The following PCDHGC4 variants were observed in gnomAD, a reference collection of about 807,000 sequenced individuals.
PCDHGC4 encodes protocadherin gamma-C4.
PCDHGC4 carries 15 observed loss-of-function variants against 59.7 expected under a neutral mutation model. The ratio of observed to expected loss-of-function variants is 0.25; its 90% CI spans 0.17 to 0.39. PCDHGC4 has a LOEUF of 0.39. PCDHGC4 is among the 10% of genes least tolerant of loss of function. The probability of loss-of-function intolerance (pLI) is 1.00; values close to 1 mark genes in which losing one functional copy is unlikely to be tolerated. For synonymous variants in PCDHGC4, 434 were observed against 481.4 expected (o/e 0.90, Z 1.29); for missense variants, 1,016 against 1,189.5 (o/e 0.85, Z 2.15).
At position 141,493,841 on chromosome 5, in the gene PCDHGC4, T is replaced by C. The variant is rs774682943; in HGVS notation, c.2443-966T>C. On this transcript the variant is annotated intron_variant, in intron 1 of 3. Transcript: ENST00000306593. The surrounding 1 kb of genome is among the most constrained non-coding windows in gnomAD (Gnocchi z 4.3). ...CTCTGCTTCTGGGAGCAAGTATGAGTATTAATTACCAGCCCACCCCAGAAC... is the reference window on the plus strand; with the variant it reads ...CTCTGCTTCTGGGAGCAAGTATGAGCATTAATTACCAGCCCACCCCAGAAC... Among the ~76,000 whole-genome samples the C allele has an allele frequency of 3.3e-5, 5 of 152,140 alleles. No homozygotes were observed. In the East Asian group the frequency reaches 9.7e-4, roughly 29 times the overall value.
intron 2 of PCDHGC4, among the ~76,000 whole-genome samples, chr5:141,497,905 C>T (rs1052659134): frequency 6.6e-6 from 1 of 152,178 alleles, no homozygotes; most frequent in Non-Finnish European, 1.5e-5. Context: ...GTAACTTCAA[C>T]TTCTCTCCTT....
Position 141,491,287 on chromosome 5 carries a change from C to T in PCDHGC4, c.2443-3520C>T, listed in dbSNP as rs1562145447. 2 of 1,614,030 alleles carry T rather than the reference C, an allele frequency of 1.2e-6. No homozygotes were observed. Among genetic ancestry groups the T allele is most frequent in the Admixed American group, 1.7e-5 (1 of 60,032 alleles). On this transcript the variant is annotated intron_variant, in intron 1 of 3. Coordinates refer to ENST00000306593, the MANE Select transcript of PCDHGC4 (RefSeq NM_018928.3). The surrounding 1 kb of genome is among the most constrained non-coding windows in gnomAD (Gnocchi z 6.9). ...GCCCAAATCCAGTGACTTCCTCATA[C>T]ACCCTCCTGAGCGTTCAGACCTTAC... is the stretch of plus-strand genomic sequence containing the variant.
In PCDHGC4 at chr5:141,490,729, C is replaced by G. The variant is rs1365931429; in HGVS notation, c.2442+3114C>G. ...CCTCACCTACTCCATTGTAGGAAAT[C>G]AGGTTCAGGGAGCCCCAGCCTCCTC... On this transcript the variant is annotated intron_variant, in intron 1 of 3. Coordinates refer to ENST00000306593, the MANE Select transcript of PCDHGC4 (RefSeq NM_018928.3). The surrounding 1 kb of genome is among the most constrained non-coding windows in gnomAD (Gnocchi z 5.4). 1 of 1,614,184 alleles carries G rather than the reference C, an allele frequency of 6.2e-7. No homozygotes were observed.
chr5:141,492,846 A>G (rs1404624093), intron 1 of PCDHGC4, among the ~76,000 whole-genome samples: 1 of 152,184 alleles, frequency 6.6e-6, no homozygotes, highest in African/African-American at 2.4e-5. Flanking sequence ...AGGAAGTGAA[A>G]GCCTCGAGCG....
chr5:141,500,207 T>G (rs932015076), intron 2 of PCDHGC4, among the ~76,000 whole-genome samples: 2 of 150,136 alleles, frequency 1.3e-5, no homozygotes, highest in African/African-American at 4.9e-5. Context: ...TTTATTTATT[T>G]ATTTATTTAT....
rs1173627393 is a variant in PCDHGC4 at position 141,487,102 on chromosome 5, G to A, written c.1929G>A (p.Leu643=). ...CAGCTGACCTCCCACCACAGAAGCT[G>A]GTCATTGTGGTAAAGGATAGTGGTA... ...PIPADLPPQK[L]VIVVKDSGSP... Residue 643 remains leucine (L), a synonymous_variant, in exon 1 of 4, where the codon CTG becomes CTA. Coordinates refer to ENST00000306593, the MANE Select transcript of PCDHGC4 (RefSeq NM_018928.3). This position sits in a 1 kb window ranked among gnomAD's most constrained non-coding sequence, Gnocchi z 5.0. 1 of 1,613,900 alleles carries A rather than the reference G, an allele frequency of 6.2e-7. No homozygotes were observed.
At chr5:141,508,242 GC>G (rs1344624071) in intron 3 of PCDHGC4, 1 of 152,310 alleles carries the variant, frequency 6.6e-6, no homozygotes, top group African/African-American at 2.4e-5. Context: ...TCCTAAGTCT[GC>G]CTCTCCTGGG....
rs759587995 is a variant in PCDHGC4, at chr5:141,491,802, G to T, written c.2443-3005G>T. On this transcript the variant is annotated intron_variant, in intron 1 of 3. Coordinates refer to ENST00000306593, the MANE Select transcript of PCDHGC4 (RefSeq NM_018928.3). The surrounding 1 kb of genome is among the most constrained non-coding windows in gnomAD (Gnocchi z 6.9). ...ACTTGCATCCACTCCTCTCCGGCCGGCTTGGTCGCTGGCTGCGCTCCACCC... is the reference window on the plus strand; with the variant it reads ...ACTTGCATCCACTCCTCTCCGGCCGTCTTGGTCGCTGGCTGCGCTCCACCC... 1 of 1,497,480 alleles carries T rather than the reference G, an allele frequency of 6.7e-7. No individual in the cohort carries two copies. Among genetic ancestry groups the T allele is most frequent in the East Asian group, 2.5e-5 (1 of 40,518 alleles). The allele number at this position is 1,497,480 out of a possible 1,614,324, so 92.8% of individuals were successfully genotyped here. A position where few individuals can be genotyped will look rare whatever the true frequency, so the allele number is the denominator to read the frequency against.
At chr5:141,496,948 G>A (rs2099772844) in intron 2 of PCDHGC4, among the ~76,000 whole-genome samples, 1 of 151,826 alleles carries the variant, frequency 6.6e-6, no homozygotes, top group Admixed American at 6.6e-5. Context: ...CACTTTGGGA[G>A]GCCAAGGTGG....
At position 141,485,464 on chromosome 5, in the gene PCDHGC4, G is replaced by A. The variant is rs2099614016; in HGVS notation, c.291G>A (p.Gly97=). ...KNPIDREALC[G]LSASCIVPLE... ...CAATCGACCGAGAGGCACTGTGTGG[G>A]CTCAGTGCCAGCTGCATCGTGCCCC... is the stretch of plus-strand genomic sequence containing the variant. Residue 97 remains glycine (G), a synonymous_variant, in exon 1 of 4, where the codon GGG becomes GGA. Coordinates refer to ENST00000306593, the MANE Select transcript of PCDHGC4 (RefSeq NM_018928.3). The surrounding 1 kb of genome is among the most constrained non-coding windows in gnomAD (Gnocchi z 5.7). 6.2e-7 allele frequency: 1 copy of A among 1,614,106 alleles called. No homozygotes were observed. The highest frequency in any genetic ancestry group is 8.5e-7 in the Non-Finnish European group (1 of 1,179,958).
chr5:141,503,213 A>G (rs1368413073), intron 2 of PCDHGC4, among the ~76,000 whole-genome samples: 1 of 152,100 alleles, frequency 6.6e-6, no homozygotes, highest in Non-Finnish European at 1.5e-5. Flanking sequence ...AGTGCCCACC[A>G]TGAGCACCGT....
Position 141,486,046 on chromosome 5 carries a change from C to G in PCDHGC4, c.873C>G (p.Asn291Lys). 1.2e-6 allele frequency: 2 copies of G among 1,614,170 alleles called. No individual in the cohort carries two copies. Among genetic ancestry groups the G allele is most frequent in the Non-Finnish European group, 1.7e-6 (2 of 1,180,036 alleles). ...FSGHTPDRVR[N>K]LFSLHPTTGK... The stretch of plus-strand genomic sequence containing the variant: ...GTCATACCCCTGATCGTGTAAGAAA[C>G]CTCTTTAGCCTGCACCCCACTACTG... The change falls in exon 1 of 4, where the codon AAC (asparagine) becomes AAG (lysine). Residue 291 changes from asparagine (N) to lysine (K), a missense_variant. By Grantham distance (94) the Asn-to-Lys change is moderately conservative. Coordinates refer to ENST00000306593, the MANE Select transcript of PCDHGC4 (RefSeq NM_018928.3). This position sits in a 1 kb window ranked among gnomAD's most constrained non-coding sequence, Gnocchi z 5.0.
In PCDHGC4 at chr5:141,490,410, T is replaced by C. The variant is rs2099699827; in HGVS notation, c.2442+2795T>C. ...ATGGTGAAGTGAGCCTTGATATCTC[T>C]CCGGACCTGCCATTTCAGATTAAGC... On this transcript the variant is annotated intron_variant, in intron 1 of 3. Coordinates refer to ENST00000306593, the MANE Select transcript of PCDHGC4 (RefSeq NM_018928.3). The surrounding 1 kb of genome is among the most constrained non-coding windows in gnomAD (Gnocchi z 5.4). 1 of 1,614,172 alleles carries C rather than the reference T, an allele frequency of 6.2e-7. No individual in the cohort carries two copies. Among genetic ancestry groups the C allele is most frequent in the Non-Finnish European group, 8.5e-7 (1 of 1,180,042 alleles).
At chr5:141,507,262 G>A (rs1294679320) in intron 3 of PCDHGC4, 6 of 151,748 alleles carry the variant, frequency 4.0e-5, no homozygotes, top group Non-Finnish European at 8.8e-5. Flanking sequence ...TAAACAGCAA[G>A]TACTATTTCA....
rs1051300319 is a variant in PCDHGC4 at position 141,491,957 on chromosome 5, A to T, written c.2443-2850A>T. ...GACCGACCCCCACCCCTACACTCAA[A>T]AAAGGCCGGGGCCTCCTTCGAGCTT... is the stretch of plus-strand genomic sequence containing the variant. On this transcript the variant is annotated intron_variant, in intron 1 of 3. Coordinates refer to ENST00000306593, the MANE Select transcript of PCDHGC4 (RefSeq NM_018928.3). The surrounding 1 kb of genome is among the most constrained non-coding windows in gnomAD (Gnocchi z 6.9). 3.6e-5 allele frequency: 37 copies of T among 1,020,096 alleles called. No individual in the cohort carries two copies. The highest frequency in any genetic ancestry group is 5.0e-5 in the Non-Finnish European group (37 of 736,248). The allele number at this position is 1,020,096 out of a possible 1,614,324, so 63.2% of individuals were successfully genotyped here.
intron 2 of PCDHGC4, among the ~76,000 whole-genome samples, chr5:141,496,486 C>T (rs186488143): frequency 1.3e-5 from 2 of 152,322 alleles, no homozygotes; most frequent in East Asian, 3.9e-4. Flanking sequence ...CTGCAACCAA[C>T]CAAACCCTTG....
rs1416755901 is a variant in PCDHGC4 at position 141,489,721 on chromosome 5, G to C, written c.2442+2106G>C. The C allele has an allele frequency of 6.2e-7, 1 of 1,614,016 alleles. No homozygotes were observed. The highest frequency in any genetic ancestry group is 8.5e-7 in the Non-Finnish European group (1 of 1,179,966). On this transcript the variant is annotated intron_variant, in intron 1 of 3. Coordinates refer to ENST00000306593, the MANE Select transcript of PCDHGC4 (RefSeq NM_018928.3). The surrounding 1 kb of genome is among the most constrained non-coding windows in gnomAD (Gnocchi z 4.5). ...CCCACTGGACAGTGCCCAGGATCCGGATGTGGGCACCAATACTGTGAGCTT... is the reference window on the plus strand; with the variant it reads ...CCCACTGGACAGTGCCCAGGATCCGCATGTGGGCACCAATACTGTGAGCTT...
chr5:141,487,143 C>T lies in PCDHGC4; in HGVS notation c.1970C>T (p.Thr657Ile). Reference sequence around the variant, plus strand: ...GATAGTGGTAGTCCACCACTCTCTACCTCTGTTACTCTCTTAGTGTCCTTA... The same window carrying T: ...GATAGTGGTAGTCCACCACTCTCTATCTCTGTTACTCTCTTAGTGTCCTTA... ...VKDSGSPPLS[T>I]SVTLLVSLEE... Residue 657 changes from threonine (T) to isoleucine (I), a missense_variant, in exon 1 of 4, where the codon ACC becomes ATC. By Grantham distance (89) the Thr-to-Ile change is moderately conservative. Coordinates refer to ENST00000306593, the MANE Select transcript of PCDHGC4 (RefSeq NM_018928.3). This position sits in a 1 kb window ranked among gnomAD's most constrained non-coding sequence, Gnocchi z 5.0. 1.2e-6 allele frequency: 2 copies of T among 1,614,028 alleles called. No homozygotes were observed. Among genetic ancestry groups the T allele is most frequent in the Non-Finnish European group, 1.7e-6 (2 of 1,179,862 alleles).
chr5:141,499,689 C>CTTTTTTTT (rs545067566), intron 2 of PCDHGC4, among the ~76,000 whole-genome samples: 2 of 119,854 alleles, frequency 1.7e-5, no homozygotes, highest in Non-Finnish European at 1.7e-5. Context: ...TAACAGATGA[C>CTTTTTTTT]TTTTTTTTTT....
Sources: gnomAD v4.1 joint callset for allele counts (sites outside exome capture counted in the v4.1 genomes callset) on GRCh38, gnomAD v4.1.1 for gene constraint, Gnocchi (gnomAD v3.1) non-coding constraint, MANE v1.5 for transcripts, NCBI Gene and HGNC (gene_info 2026-07-23, HGNC 2026-07-21) for gene names.